Variants in IHO1 observed in about 807,000 individuals in gnomAD.
IHO1 encodes the protein interactor of HORMAD1 protein 1.
Under a neutral mutation model 31.0 loss-of-function variants are expected in IHO1, and 13 were observed. The observed-to-expected ratio is 0.42, with a 90% CI of 0.27 to 0.67. IHO1 has a LOEUF of 0.67. Ranked by LOEUF, IHO1 falls within the 30% of genes least tolerant of loss-of-function variation. The pLI is 0.24. For missense variants in IHO1, 599 were observed against 687.5 expected (o/e 0.87, Z 1.44); for synonymous variants, 221 against 248.4 (o/e 0.89, Z 1.04).
chr3:49,254,338 AAATC>A (rs1363641353), intron 6 of IHO1, among the ~76,000 whole-genome samples: 2 of 152,162 alleles, frequency 1.3e-5, no homozygotes, highest in Non-Finnish European at 2.9e-5. Flanking sequence ...CAAAAGAGGA[AAATC>A]AATCAGTCCT....
intron 2 of IHO1, among the ~76,000 whole-genome samples, chr3:49,212,165 A>G (rs1429725434): frequency 6.9e-6 from 1 of 145,058 alleles, no homozygotes; most frequent in Admixed American, 6.9e-5. Flanking sequence ...CTCCGTCTCA[A>G]AAAAAAAAAA....
intron 3 of IHO1, among the ~76,000 whole-genome samples, chr3:49,237,887 CTTTTTTTTTTTTTTTTTT>C (rs574951773): frequency 3.9e-5 from 2 of 51,414 alleles, no homozygotes; most frequent in Non-Finnish European, 6.6e-5. Context: ...CTGTCTTTTC[CTTTTTTTTTTTTTTTTTT>C]TTTTTTTTTT....
upstream of IHO1, among the ~76,000 whole-genome samples, chr3:49,197,955 T>G (rs1302576223): frequency 5.3e-5 from 8 of 152,198 alleles, 1 homozygote; most frequent in East Asian, 1.5e-3. Context: ...AGTCGTAATC[T>G]TTCCTTATGG....
chr3:49,224,120 T>G (rs980933786), intron 2 of IHO1, among the ~76,000 whole-genome samples: 1 of 152,228 alleles, frequency 6.6e-6, no homozygotes, highest in Non-Finnish European at 1.5e-5. Context: ...GTGTCTGGCT[T>G]TAGGCATAAG....
intron 5 of IHO1, 42 bp from the exon 6 acceptor site, chr3:49,244,604 G>C (rs777242881): frequency 6.5e-7 from 1 of 1,550,266 alleles, no homozygotes; most frequent in Non-Finnish European, 8.9e-7. Flanking sequence ...AGTAGAATAA[G>C]GCAATAGCCT....
At chr3:49,221,908 C>T (rs2046359637) in intron 2 of IHO1, among the ~76,000 whole-genome samples, 2 of 152,196 alleles carry the variant, frequency 1.3e-5, no homozygotes, top group African/African-American at 4.8e-5. Context: ...TTTCAGAAGC[C>T]TTTTCCTATA....
chr3:49,195,721 C>A (rs1292563463), upstream of IHO1, among the ~76,000 whole-genome samples: 3 of 151,238 alleles, frequency 2.0e-5, no homozygotes, highest in Non-Finnish European at 4.4e-5. Context: ...CTCAAAACAA[C>A]AACAACAACA....
chr3:49,210,699 T>TCCATTTAGTTCTAA (rs1268369513), intron 1 of IHO1, among the ~76,000 whole-genome samples: 1 of 137,850 alleles, frequency 7.3e-6, no homozygotes, highest in East Asian at 2.0e-4. Context: ...GCGCCCGGCT[T>TCCATTTAGTTCTAA]TTTTTTTTTT....
intron 6 of IHO1, among the ~76,000 whole-genome samples, chr3:49,254,533 A>G (rs1575589874): frequency 6.6e-6 from 1 of 151,626 alleles, no homozygotes; most frequent in South Asian, 2.1e-4. Flanking sequence ...AGTAGAAGGA[A>G]GAATAGGAAT....
chr3:49,225,822 C>T (rs184177379), intron 2 of IHO1, among the ~76,000 whole-genome samples: 4 of 152,252 alleles, frequency 2.6e-5, no homozygotes, highest in Admixed American at 6.5e-5. Context: ...CTGAGAAGGC[C>T]GTGCCGGTGT....
intron 2 of IHO1, among the ~76,000 whole-genome samples, chr3:49,217,435 A>G (rs966047487): frequency 4.0e-5 from 6 of 149,218 alleles, no homozygotes; most frequent in Admixed American, 1.4e-4. Context: ...GAGTTGAACA[A>G]TGAGAACACA....
chr3:49,228,305 T>C, intron 2 of IHO1: 1 of 449,188 alleles, frequency 2.2e-6, no homozygotes, highest in Non-Finnish European at 4.5e-6. Context: ...AGAAGCTGGT[T>C]CCAGGCAAAC....
rs149696905 is a variant in IHO1 at position 49,235,096 on chromosome 3, C to T, written c.57-1452C>T. Among the ~76,000 whole-genome samples the T allele has an allele frequency of 5.8e-4, 88 of 152,150 alleles. No individual in the cohort carries two copies. The East Asian group carries it at 0.014, about 25-fold the overall frequency. Reference sequence around the variant, plus strand: ...TCCTAACCTTGTGATCTGCCCACCTCGCCTCCCAAAGTGCTAGCTAGGATT... The same window carrying T: ...TCCTAACCTTGTGATCTGCCCACCTTGCCTCCCAAAGTGCTAGCTAGGATT... On this transcript the variant is annotated intron_variant, in intron 2 of 7. Coordinates refer to ENST00000452691, the MANE Select transcript of IHO1 (RefSeq NM_001135197.2).
At chr3:49,234,551 C>T (rs1400901595) in intron 2 of IHO1, among the ~76,000 whole-genome samples, 1 of 152,214 alleles carries the variant, frequency 6.6e-6, no homozygotes, top group South Asian at 2.1e-4. Context: ...ATCTAACCCT[C>T]ATTACCTCCT....
At chr3:49,200,342 G>A (rs1283319072) in intron 1 of IHO1, among the ~76,000 whole-genome samples, 1 of 151,794 alleles carries the variant, frequency 6.6e-6, no homozygotes, top group Non-Finnish European at 1.5e-5. Context: ...GCGCATGCCT[G>A]TAATCCCAGC....
At chr3:49,197,670 T>C, upstream of IHO1, among the ~76,000 whole-genome samples, 1 of 150,464 alleles carries the variant, frequency 6.6e-6, no homozygotes, top group East Asian at 2.0e-4. Context: ...AGGTCTGGAG[T>C]TTGAGACCAG....
intron 2 of IHO1, among the ~76,000 whole-genome samples, chr3:49,235,736 C>A (rs1281855885): frequency 2.0e-5 from 3 of 151,286 alleles, no homozygotes; most frequent in African/African-American, 7.3e-5. Context: ...GAGAGACCAG[C>A]CTGGCCAACA....
intron 2 of IHO1, 76 bp from the exon 3 acceptor site, chr3:49,236,472 T>C (rs1438803920): frequency 1.8e-6 from 2 of 1,090,438 alleles, no homozygotes; most frequent in Non-Finnish European, 2.7e-6. Context: ...TGTTCTGAAA[T>C]GGACAGCTGT....
At chr3:49,216,892 C>T (rs1389105771) in intron 2 of IHO1, among the ~76,000 whole-genome samples, 2 of 152,208 alleles carry the variant, frequency 1.3e-5, no homozygotes, top group African/African-American at 4.8e-5. Flanking sequence ...CAGAAATGCT[C>T]ATCATCACTT....
Sources: gnomAD v4.1 joint callset for allele counts (sites outside exome capture counted in the v4.1 genomes callset) on GRCh38, gnomAD v4.1.1 for gene constraint, MANE v1.5 for transcripts, NCBI Gene and HGNC (gene_info 2026-07-23, HGNC 2026-07-21) for gene names.